ZNF280D: variants seen among roughly 807,000 people sequenced by gnomAD.
The protein encoded by ZNF280D is suppressor of hairy wing homolog 4.
In ZNF280D, 39 loss-of-function variants were observed where a neutral mutation model predicts 94.7. The observed-to-expected ratio is 0.41, with a 90% CI of 0.32 to 0.54. The LOEUF (loss-of-function observed/expected upper bound fraction) is 0.54, where lower values mean the gene tolerates loss of function less well. Ranked by LOEUF, ZNF280D falls within the 20% of genes least tolerant of loss-of-function variation. The probability of loss-of-function intolerance (pLI) is 0.22; values close to 1 mark genes in which losing one functional copy is unlikely to be tolerated. For synonymous variants in ZNF280D, 398 were observed against 377.6 expected (o/e 1.05, Z -0.63); for missense variants, 1,090 against 1,149.3 (o/e 0.95, Z 0.75).
chr15:56,723,785 T>A lies in ZNF280D; in HGVS notation c.-86+9673A>T, dbSNP rs570489928. Among the ~76,000 whole-genome samples the A allele has an allele frequency of 1.2e-4, 18 of 152,336 alleles. No homozygotes were observed. The South Asian group carries it at 1.9e-3, about 16-fold the overall frequency. On this transcript the variant is annotated intron_variant, in intron 1 of 21. Transcript: ENST00000267807. ...AGTGAAATAGATTTACTTTATAAGA[T>A]TCACTTTATATAGTTGCTCTTCAGC...
At chr15:56,684,783 T>A (rs2055885830) in intron 9 of ZNF280D, among the ~76,000 whole-genome samples, 1 of 152,182 alleles carries the variant, frequency 6.6e-6, no homozygotes, top group East Asian at 1.9e-4. Context: ...TAAAACAAAT[T>A]CATATTGGAG....
intron 1 of ZNF280D, among the ~76,000 whole-genome samples, chr15:56,714,878 T>C (rs1414305692): frequency 1.3e-5 from 2 of 152,156 alleles, no homozygotes; most frequent in African/African-American, 4.8e-5. Flanking sequence ...TTCTTTCTAA[T>C]GCAAGATGCA....
chr15:56,708,465 A>C (rs1365408465), intron 1 of ZNF280D, among the ~76,000 whole-genome samples: 1 of 152,196 alleles, frequency 6.6e-6, no homozygotes, highest in Non-Finnish European at 1.5e-5. Flanking sequence ...AATACCAGGA[A>C]CACGGAATAT....
Position 56,649,026 on chromosome 15 carries a change from T to C in ZNF280D, c.2213+5172A>G, listed in dbSNP as rs111601660. ...CAAAGAGCAGAATAATCATTTTAGA[T>C]AGACAGAAGAAAGAACTAGGTAAAG... On this transcript the variant is annotated intron_variant, in intron 19 of 21. Coordinates refer to ENST00000267807, the MANE Select transcript of ZNF280D (RefSeq NM_017661.4). Among the ~76,000 whole-genome samples the C allele has an allele frequency of 1.2e-3, 185 of 151,988 alleles. 5 individuals carry two copies. Among genetic ancestry groups the C allele is most frequent in the African/African-American group, 4.3e-3 (177 of 41,466 alleles).
intron 11 of ZNF280D, among the ~76,000 whole-genome samples, chr15:56,677,896 T>C (rs1209635503): frequency 1.3e-5 from 2 of 152,170 alleles, no homozygotes; most frequent in East Asian, 1.9e-4. Context: ...ATTTCTGTTA[T>C]CCGCATTATT....
In ZNF280D at chr15:56,642,956, G is replaced by C; in HGVS notation, c.2255C>G (p.Ser752Cys). ...ATAAAGTAAAACAAACTTTACCTTAGACACAGGTTCTTGTTCCTTTGCGGG... is the reference window on the plus strand; with the variant it reads ...ATAAAGTAAAACAAACTTTACCTTACACACAGGTTCTTGTTCCTTTGCGGG... ...EAPAKEQEPV[S>C]KEIARPNMAE... is the part of the protein sequence containing the mutation. Residue 752 changes from serine to cysteine, a missense_variant, in exon 20 of 22, where the codon TCT becomes TGT. Physicochemically the swap from Ser to Cys is moderately radical, Grantham distance 112. This residue lies in a region of ZNF280D where 577 missense variants were observed against 568.8 expected (regional missense o/e 1.01). Coordinates refer to ENST00000267807, the MANE Select transcript of ZNF280D (RefSeq NM_017661.4). 6.6e-7 allele frequency: 1 copy of C among 1,504,086 alleles called. No individual in the cohort carries two copies. Among genetic ancestry groups the C allele is most frequent in the Non-Finnish European group, 8.8e-7 (1 of 1,130,620 alleles). 93.2% of individuals were successfully genotyped at this position (1,504,086 alleles called of 1,614,324 possible). A position where few individuals can be genotyped will look rare whatever the true frequency, so the allele number is the denominator to read the frequency against.
At chr15:56,709,506 T>C (rs1275682437) in intron 1 of ZNF280D, among the ~76,000 whole-genome samples, 1 of 152,184 alleles carries the variant, frequency 6.6e-6, no homozygotes, top group Non-Finnish European at 1.5e-5. Flanking sequence ...CTTCCACTAC[T>C]GGGTATATAC....
chr15:56,631,444 G>A lies in ZNF280D; in HGVS notation c.*54C>T, dbSNP rs922368605. On this transcript the variant is annotated 3_prime_UTR_variant, in exon 22 of 22. Transcript: ENST00000267807. ...ACAGCACCACTGAGCTCACCTGATA[G>A]CACTGTTCCAAATGCCCTTATCGTT... 3 of 1,574,004 alleles carry A rather than the reference G, an allele frequency of 1.9e-6. No individual in the cohort carries two copies. The highest frequency in any genetic ancestry group is 1.7e-5 in the Admixed American group (1 of 58,480).
chr15:56,639,208 T>C (rs1418295109), intron 20 of ZNF280D, among the ~76,000 whole-genome samples: 2 of 151,068 alleles, frequency 1.3e-5, no homozygotes, highest in Admixed American at 6.6e-5. Flanking sequence ...TAATTAAGTT[T>C]AGAAAATTAT....
intron 14 of ZNF280D, 123 bp from the exon 15 acceptor site, chr15:56,667,109 G>A (rs1187900239): frequency 1.1e-5 from 7 of 642,136 alleles, no homozygotes; most frequent in African/African-American, 1.8e-5. Context: ...ACTACAATCA[G>A]GTAAGTCTCC....
At chr15:56,675,433 CT>C (rs201611250) in intron 13 of ZNF280D, among the ~76,000 whole-genome samples, 24,537 of 146,742 alleles carry the variant, frequency 0.17, 2,017 homozygotes, top group Admixed American at 0.21. Flanking sequence ...GATGAAGATA[CT>C]TTTTTTTTTT....
chr15:56,651,887 C>T (rs1215229311), intron 19 of ZNF280D, among the ~76,000 whole-genome samples: 2 of 152,014 alleles, frequency 1.3e-5, no homozygotes, highest in Non-Finnish European at 2.9e-5. Context: ...ACTATATTAA[C>T]AATGTGGTTT....
At chr15:56,696,946 T>C (rs1169911302) in intron 6 of ZNF280D, among the ~76,000 whole-genome samples, 2 of 152,230 alleles carry the variant, frequency 1.3e-5, no homozygotes, top group Admixed American at 1.3e-4. Flanking sequence ...TTCCTAACTC[T>C]TATAACACCA....
At chr15:56,671,627 T>C (rs1416654865) in intron 13 of ZNF280D, among the ~76,000 whole-genome samples, 1 of 152,176 alleles carries the variant, frequency 6.6e-6, no homozygotes, top group African/African-American at 2.4e-5. Flanking sequence ...CCAGCTTTGT[T>C]CTTTTTGCTT....
intron 1 of ZNF280D, among the ~76,000 whole-genome samples, chr15:56,708,823 G>C (rs1406592883): frequency 6.6e-6 from 1 of 152,066 alleles, no homozygotes; most frequent in Non-Finnish European, 1.5e-5. Flanking sequence ...AGCTGAAACT[G>C]GATCCCTTCC....
chr15:56,679,971 T>A (rs1374290123), intron 10 of ZNF280D, among the ~76,000 whole-genome samples: 25 of 152,238 alleles, frequency 1.6e-4, no homozygotes, highest in Non-Finnish European at 1.5e-5. Flanking sequence ...AGCTCACAGC[T>A]TTCAGCACTT....
chr15:56,673,688 A>G (rs1372801364), intron 13 of ZNF280D, among the ~76,000 whole-genome samples: 1 of 151,880 alleles, frequency 6.6e-6, no homozygotes, highest in Non-Finnish European at 1.5e-5. Flanking sequence ...TTCTATTGCT[A>G]TAACCTCATC....
At chr15:56,692,497 T>C (rs147575969) in intron 7 of ZNF280D, among the ~76,000 whole-genome samples, 202 of 152,194 alleles carry the variant, frequency 1.3e-3, no homozygotes, top group African/African-American at 4.6e-3. Context: ...ACTAATTTAT[T>C]TTAGATTAAT....
rs548634760 is a variant in ZNF280D at position 56,692,344 on chromosome 15, T to C, written c.499+754A>G. 6.6e-5 allele frequency among the ~76,000 whole-genome samples: 10 copies of C among 152,114 alleles called. No individual in the cohort carries two copies. The East Asian group carries it at 1.9e-3, about 29-fold the overall frequency. On this transcript the variant is annotated intron_variant, in intron 7 of 21. Transcript: ENST00000267807. Reference sequence around the variant, plus strand: ...GGTTTGGTAAATTCTCCGCACTGATTTGCTAGTAAATCTAAAAATTCCAAA... The same window carrying C: ...GGTTTGGTAAATTCTCCGCACTGATCTGCTAGTAAATCTAAAAATTCCAAA...
Sources: allele counts gnomAD v4.1 joint callset (sites outside exome capture counted in the v4.1 genomes callset), GRCh38; gene constraint gnomAD v4.1.1; regional missense constraint gnomAD v4.1.1; transcripts MANE v1.5; gene names NCBI Gene and HGNC (gene_info 2026-07-23, HGNC 2026-07-21).